Variants in IL1RAPL1 observed in about 807,000 individuals in gnomAD.
IL1RAPL1 encodes interleukin 1 receptor accessory protein like 1, also known as interleukin-1 receptor accessory protein-like 1.
IL1RAPL1 carries 3 observed loss-of-function variants against 48.4 expected under a neutral mutation model. The ratio of observed to expected loss-of-function variants is 0.06; its 90% CI spans 0.03 to 0.16. The LOEUF (loss-of-function observed/expected upper bound fraction) is 0.16, where lower values mean the gene tolerates loss of function less well. Among genes scored for constraint, IL1RAPL1 ranks in the 10% least tolerant of loss-of-function variants. The pLI is 1.00. For missense variants in IL1RAPL1, 349 were observed against 530.6 expected, an observed-to-expected ratio of 0.66 and a Z score of 3.36; for synonymous variants, 185 against 187.7, an observed-to-expected ratio of 0.99 and a Z score of 0.12.
At chrX:28,819,354 AATTT>A (rs1282612665) in intron 2 of IL1RAPL1, among the ~76,000 whole-genome samples, 1 of 111,176 alleles carries the variant, frequency 9.0e-6, no homozygotes, top group Non-Finnish European at 1.9e-5. Flanking sequence ...CAAGCTAATT[AATTT>A]ATTTTTTCTT....
At chrX:29,768,573 G>A (rs1164412740) in intron 6 of IL1RAPL1, among the ~76,000 whole-genome samples, 1 of 111,826 alleles carries the variant, frequency 8.9e-6, no homozygotes, top group Non-Finnish European at 1.9e-5. Context: ...TTAATCAACT[G>A]TACATGGAAT....
At chrX:28,766,734 G>A (rs1246068880) in intron 1 of IL1RAPL1, among the ~76,000 whole-genome samples, 5 of 110,357 alleles carry the variant, frequency 4.5e-5, no homozygotes, top group Non-Finnish European at 9.5e-5. Context: ...TACTCTCCAT[G>A]TCCATGAGTT....
chrX:29,633,502 CAT>C lies in IL1RAPL1; in HGVS notation c.704-34921_704-34920del, dbSNP rs906522318. ...ACACACACACACACACACACACACA[CAT>C]ATATATGATAGATTGAACTCAAATA... On this transcript the variant is annotated intron_variant, in intron 5 of 10. Coordinates refer to ENST00000378993, the MANE Select transcript of IL1RAPL1 (RefSeq NM_014271.4). Among the ~76,000 whole-genome samples, 762 of 104,777 alleles carry C rather than the reference CAT, an allele frequency of 7.3e-3. 9 individuals are homozygous for C. Among genetic ancestry groups the C allele is most frequent in the African/African-American group, 0.026 (711 of 26,882 alleles). The allele number at this position is 104,777 out of a possible 115,157, so 91.0% of individuals were successfully genotyped here. A position where few individuals can be genotyped will look rare whatever the true frequency, so the allele number is the denominator to read the frequency against.
At chrX:29,396,770 T>A (rs1933924284) in intron 4 of IL1RAPL1, among the ~76,000 whole-genome samples, 1 of 111,836 alleles carries the variant, frequency 8.9e-6, no homozygotes, top group African/African-American at 3.3e-5. Flanking sequence ...TTCAGGGTTC[T>A]TCACATTAGC....
rs970600008 is a variant in IL1RAPL1, at chrX:29,955,907, T to C, written c.*87T>C. The C allele has an allele frequency of 1.1e-4, 76 of 711,989 alleles. 1 individual carries two copies. The South Asian group carries it at 1.7e-3, about 16-fold the overall frequency. The allele number at this position is 711,989 out of a possible 1,213,427, so 58.7% of individuals were successfully genotyped here. On this transcript the variant is annotated 3_prime_UTR_variant, in exon 11 of 11. Transcript: ENST00000378993. Reference sequence around the variant, plus strand: ...GAACTAAATCCTCGACTGCTGCTGTTAAAAAACATGCATTAGAATCTCTAG... The same window carrying C: ...GAACTAAATCCTCGACTGCTGCTGTCAAAAAACATGCATTAGAATCTCTAG...
intron 2 of IL1RAPL1, among the ~76,000 whole-genome samples, chrX:29,061,402 G>A (rs1385592770): frequency 8.9e-6 from 1 of 111,856 alleles, no homozygotes; most frequent in Non-Finnish European, 1.9e-5. Context: ...ATATAGTGAA[G>A]GTATCGATGC....
chrX:29,924,952 C>A (rs1403162190), intron 8 of IL1RAPL1, among the ~76,000 whole-genome samples: 4 of 111,554 alleles, frequency 3.6e-5, no homozygotes, highest in Admixed American at 2.9e-4. Flanking sequence ...TGTTTTAAAG[C>A]CAGATGAATT....
At chrX:29,089,137 C>G (rs1377492438) in intron 2 of IL1RAPL1, among the ~76,000 whole-genome samples, 1 of 111,072 alleles carries the variant, frequency 9.0e-6, no homozygotes, top group Non-Finnish European at 1.9e-5. Flanking sequence ...AGGGAGACAG[C>G]AGTAAAGAGG....
chrX:29,717,242 A>AC (rs1927510490), intron 6 of IL1RAPL1, among the ~76,000 whole-genome samples: 1 of 109,588 alleles, frequency 9.1e-6, no homozygotes, highest in Admixed American at 9.8e-5. Context: ...ACACACGAAC[A>AC]AGAATAAATA....
chrX:29,709,418 T>G (rs1927282316), intron 6 of IL1RAPL1, among the ~76,000 whole-genome samples: 1 of 112,015 alleles, frequency 8.9e-6, no homozygotes, highest in African/African-American at 3.2e-5. Context: ...TTCCCCATTG[T>G]GTTTTCTTAG....
chrX:28,833,535 T>C (rs1278948747), intron 2 of IL1RAPL1, among the ~76,000 whole-genome samples: 2 of 111,862 alleles, frequency 1.8e-5, no homozygotes, highest in Non-Finnish European at 3.8e-5. Flanking sequence ...TGTGAGATGG[T>C]ATCTCATTGT....
At chrX:28,647,852 G>A (rs111776741) in intron 1 of IL1RAPL1, among the ~76,000 whole-genome samples, 106 of 112,018 alleles carry the variant, frequency 9.5e-4, no homozygotes, top group African/African-American at 2.7e-3. Context: ...ATATGGAGCA[G>A]AAATGTATGC....
chrX:29,656,499 T>A (rs767595680), intron 5 of IL1RAPL1, among the ~76,000 whole-genome samples: 13 of 111,331 alleles, frequency 1.2e-4, no homozygotes, highest in Admixed American at 4.8e-4. Context: ...CTCCCACTTA[T>A]AAGTGAGAAC....
chrX:29,468,560 T>G (rs975409865), intron 5 of IL1RAPL1, among the ~76,000 whole-genome samples: 2 of 111,964 alleles, frequency 1.8e-5, no homozygotes, highest in East Asian at 5.6e-4. Context: ...TCGACTTTTT[T>G]ACTTTGCTGT....
intron 2 of IL1RAPL1, among the ~76,000 whole-genome samples, chrX:28,970,867 A>G (rs1183024611): frequency 9.0e-6 from 1 of 111,358 alleles, no homozygotes; most frequent in Non-Finnish European, 1.9e-5. Context: ...TAAAAAGCAT[A>G]TCTTGCCATA....
intron 2 of IL1RAPL1, among the ~76,000 whole-genome samples, chrX:28,801,861 T>C (rs1936680166): frequency 8.9e-6 from 1 of 112,188 alleles, no homozygotes; most frequent in East Asian, 2.8e-4. Context: ...TCATAAAGTT[T>C]TGCACTACAA....
chrX:29,717,025 A>G (rs1277969251), intron 6 of IL1RAPL1, among the ~76,000 whole-genome samples: 1 of 111,135 alleles, frequency 9.0e-6, no homozygotes, highest in Non-Finnish European at 1.9e-5. Context: ...AACACCATTT[A>G]GTTTGTAAAG....
At chrX:28,806,718 C>T (rs1343783923) in intron 2 of IL1RAPL1, among the ~76,000 whole-genome samples, 1 of 111,701 alleles carries the variant, frequency 9.0e-6, no homozygotes, top group East Asian at 2.8e-4. Context: ...TGATGACTTA[C>T]TGTTTGTTTC....
chrX:29,001,260 G>A (rs1370404229), intron 2 of IL1RAPL1, among the ~76,000 whole-genome samples: 6 of 111,513 alleles, frequency 5.4e-5, no homozygotes, highest in African/African-American at 2.0e-4. Context: ...AGTTTTCTCT[G>A]ATACAAAAGA....
Sources: allele counts gnomAD v4.1 joint callset (sites outside exome capture counted in the v4.1 genomes callset), GRCh38; gene constraint gnomAD v4.1.1; transcripts MANE v1.5; gene names NCBI Gene and HGNC (gene_info 2026-07-23, HGNC 2026-07-21).